RBFOX3: variants seen among roughly 807,000 people sequenced by gnomAD.
RBFOX3 encodes RNA binding fox-1 homolog 3.
Under a neutral mutation model 48.7 loss-of-function variants are expected in RBFOX3, and 17 were observed. The observed-to-expected ratio is 0.35, with a 90% CI of 0.24 to 0.52. The LOEUF (loss-of-function observed/expected upper bound fraction) is 0.52. Ranked by LOEUF, RBFOX3 falls within the 20% of genes least tolerant of loss-of-function variation. RBFOX3 has a pLI of 0.94. For synonymous variants in RBFOX3, 212 were observed against 209.5 expected, an observed-to-expected ratio of 1.01 and a Z score of -0.10; for missense variants, 382 against 497.5, an observed-to-expected ratio of 0.77 and a Z score of 2.21.
chr17:79,375,313 G>C (rs2059083213), intron 2 of RBFOX3, among the ~76,000 whole-genome samples: 2 of 151,322 alleles, frequency 1.3e-5, no homozygotes, highest in Non-Finnish European at 2.9e-5. Flanking sequence ...AGAGGGGACA[G>C]GGCCCTCCCT....
chr17:79,098,074 G>C (rs565548929), intron 9 of RBFOX3: 1 of 329,840 alleles, frequency 3.0e-6, no homozygotes, highest in East Asian at 5.5e-5. Flanking sequence ...AACTGGAGAG[G>C]GAAAGTGGAA....
chr17:79,345,664 T>C (rs1051255004), intron 2 of RBFOX3, among the ~76,000 whole-genome samples: 1 of 152,212 alleles, frequency 6.6e-6, no homozygotes. Context: ...TTTTGGGATG[T>C]TTTATACTTT....
chr17:79,247,883 G>T (rs1470199877), intron 3 of RBFOX3, among the ~76,000 whole-genome samples: 1 of 152,206 alleles, frequency 6.6e-6, no homozygotes, highest in Non-Finnish European at 1.5e-5. Context: ...TGTAAAAGCG[G>T]GGGTGACAGT....
intron 3 of RBFOX3, among the ~76,000 whole-genome samples, chr17:79,247,308 G>GTT (rs2063311651): frequency 2.2e-5 from 2 of 92,178 alleles, no homozygotes; most frequent in Admixed American, 1.0e-4. Flanking sequence ...GAACATAATC[G>GTT]TATTTTTTTT....
At chr17:79,173,236 A>G (rs932706109) in intron 4 of RBFOX3, among the ~76,000 whole-genome samples, 1 of 152,198 alleles carries the variant, frequency 6.6e-6, no homozygotes, top group Non-Finnish European at 1.5e-5. Context: ...ACATACATAC[A>G]TACGTACATA....
the RBFOX3 span, among the ~76,000 whole-genome samples, chr17:79,648,408 C>T: frequency 1.3e-5 from 2 of 152,174 alleles, no homozygotes; most frequent in African/African-American, 4.8e-5. Flanking sequence ...GAAACAGATG[C>T]CTGGGTTTGC....
At chr17:79,371,020 G>A (rs867855931) in intron 2 of RBFOX3, among the ~76,000 whole-genome samples, 1 of 152,196 alleles carries the variant, frequency 6.6e-6, no homozygotes, top group Non-Finnish European at 1.5e-5. Flanking sequence ...GGGAGGGAAG[G>A]GGGACATGCA....
rs997346402 is a variant in RBFOX3 at position 79,097,824 on chromosome 17, C to A, written c.569-79G>T. 1.2e-5 allele frequency: 18 copies of A among 1,444,134 alleles called. No homozygotes were observed. In the African/African-American group the frequency reaches 1.7e-4, roughly 14 times the overall value. The allele number at this position is 1,444,134 out of a possible 1,614,324, so 89.5% of individuals were successfully genotyped here. On this transcript the variant is annotated intron_variant, in intron 9 of 14. Transcript: ENST00000693108. ...CAAAACGTATGCCTGGGAACCCCAG[C>A]GACACCGGTGGAGCCCTTGGGAACA...
In RBFOX3 at chr17:79,261,461, C is replaced by T. The variant is rs985280343; in HGVS notation, c.-73-25656G>A. Among the ~76,000 whole-genome samples, 25 of 152,328 alleles carry T rather than the reference C, an allele frequency of 1.6e-4. 1 individual carries two copies. The highest frequency in any genetic ancestry group is 6.0e-4 in the African/African-American group (25 of 41,582). On this transcript the variant is annotated intron_variant, in intron 3 of 14. Coordinates refer to ENST00000693108, the MANE Select transcript of RBFOX3 (RefSeq NM_001350451.2). Reference sequence around the variant, plus strand: ...GGGGCATGGAGCTCCTTGGAAGGAGCCGGAGGCAGAGGATGCAGGTGGAGG... The same window carrying T: ...GGGGCATGGAGCTCCTTGGAAGGAGTCGGAGGCAGAGGATGCAGGTGGAGG...
intron 2 of RBFOX3, among the ~76,000 whole-genome samples, chr17:79,458,643 G>A (rs2074942849): frequency 6.6e-6 from 1 of 152,050 alleles, no homozygotes; most frequent in South Asian, 2.1e-4. Context: ...GCAAGTAAGT[G>A]AGCTCTTCTG....
chr17:79,664,744 T>G, the RBFOX3 span, among the ~76,000 whole-genome samples: 1 of 152,076 alleles, frequency 6.6e-6, no homozygotes, highest in South Asian at 2.1e-4. Context: ...CTTCCCAAAC[T>G]ACAATTCTGT....
chr17:79,542,438 G>A (rs926346093), intron 1 of RBFOX3, among the ~76,000 whole-genome samples: 3 of 152,200 alleles, frequency 2.0e-5, no homozygotes, highest in African/African-American at 4.8e-5. Flanking sequence ...ATGAATCAGC[G>A]AAGAAGCTGG....
the RBFOX3 span, among the ~76,000 whole-genome samples, chr17:79,639,161 AT>A: frequency 6.6e-6 from 1 of 151,808 alleles, no homozygotes; most frequent in South Asian, 2.1e-4. Context: ...AATTTTATTT[AT>A]TTTTTTATTT....
At chr17:79,383,241 G>T (rs560621556) in intron 2 of RBFOX3, among the ~76,000 whole-genome samples, 2 of 152,296 alleles carry the variant, frequency 1.3e-5, no homozygotes, top group Admixed American at 1.3e-4. Flanking sequence ...GCCACCCCTC[G>T]CCTCCTTCAC....
chr17:79,536,053 T>A (rs1471276892), intron 1 of RBFOX3, among the ~76,000 whole-genome samples: 1 of 152,140 alleles, frequency 6.6e-6, no homozygotes. Flanking sequence ...CACAGGGGGC[T>A]GGGGAGGGAG....
chr17:79,514,853 C>T (rs1481116255), intron 1 of RBFOX3, among the ~76,000 whole-genome samples: 1 of 152,182 alleles, frequency 6.6e-6, no homozygotes, highest in Non-Finnish European at 1.5e-5. Flanking sequence ...TGGAACCGTG[C>T]AGAAGCTGTG....
intron 2 of RBFOX3, among the ~76,000 whole-genome samples, chr17:79,439,986 C>G (rs1328647757): frequency 6.6e-6 from 1 of 152,192 alleles, no homozygotes; most frequent in African/African-American, 2.4e-5. Flanking sequence ...GGAATGGCAT[C>G]AAGCGGCAGG....
At chr17:79,187,182 A>G (rs1326553176) in intron 4 of RBFOX3, among the ~76,000 whole-genome samples, 1 of 152,018 alleles carries the variant, frequency 6.6e-6, no homozygotes, top group Non-Finnish European at 1.5e-5. Context: ...ATTTCTTTTG[A>G]CCCCTACCCA....
At chr17:79,312,647 G>T (rs916142284) in intron 2 of RBFOX3, among the ~76,000 whole-genome samples, 1 of 152,186 alleles carries the variant, frequency 6.6e-6, no homozygotes, top group African/African-American at 2.4e-5. Flanking sequence ...ACACCCACCT[G>T]TTCCAAGCAG....
Sources: allele counts gnomAD v4.1 joint callset (sites outside exome capture counted in the v4.1 genomes callset), GRCh38; gene constraint gnomAD v4.1.1; transcripts MANE v1.5; gene names NCBI Gene and HGNC (gene_info 2026-07-23, HGNC 2026-07-21).